The following TRAPPC11 variants were observed in gnomAD, a reference collection of about 807,000 sequenced individuals.
TRAPPC11 encodes the protein foie gras homolog.
TRAPPC11 carries 104 observed loss-of-function variants against 151.2 expected under a neutral mutation model. The ratio of observed to expected loss-of-function variants is 0.69; its 90% CI spans 0.59 to 0.81. TRAPPC11 has a LOEUF of 0.81. Ranked by LOEUF, TRAPPC11 falls within the 30% of genes least tolerant of loss-of-function variation. TRAPPC11 has a pLI of 0.00. For synonymous variants in TRAPPC11, 456 were observed against 472.3 expected, an observed-to-expected ratio of 0.97 and a Z score of 0.45; for missense variants, 1,230 against 1,349.6, an observed-to-expected ratio of 0.91 and a Z score of 1.39.
At chr4:183,686,406 G>C (rs927106066) in intron 17 of TRAPPC11, among the ~76,000 whole-genome samples, 2 of 152,142 alleles carry the variant, frequency 1.3e-5, no homozygotes, top group Admixed American at 1.3e-4. Flanking sequence ...CCAAGTGTTG[G>C]GATTACAGGC....
intron 27 of TRAPPC11, among the ~76,000 whole-genome samples, chr4:183,705,509 G>A (rs1737010985): frequency 6.6e-6 from 1 of 152,096 alleles, no homozygotes; most frequent in Non-Finnish European, 1.5e-5. Context: ...CAGCTAGGCT[G>A]ACTACTACTC....
chr4:183,691,048 G>A (rs1374798879), intron 18 of TRAPPC11, among the ~76,000 whole-genome samples: 1 of 152,198 alleles, frequency 6.6e-6, no homozygotes, highest in Non-Finnish European at 1.5e-5. Context: ...ATAAACAGTA[G>A]TGTCCAGTGC....
At chr4:183,662,171 A>C (rs189429756) in intron 1 of TRAPPC11, among the ~76,000 whole-genome samples, 8 of 152,182 alleles carry the variant, frequency 5.3e-5, no homozygotes, top group Admixed American at 1.3e-4. Flanking sequence ...CATCCTGGCC[A>C]ACATGGTGAA....
At chr4:183,660,145 G>C (rs938966308) in intron 1 of TRAPPC11, among the ~76,000 whole-genome samples, 1 of 152,178 alleles carries the variant, frequency 6.6e-6, no homozygotes, top group African/African-American at 2.4e-5. Context: ...GTGCGTTATC[G>C]GGGTTCTCAT....
intron 25 of TRAPPC11, among the ~76,000 whole-genome samples, chr4:183,698,296 C>T (rs910016950): frequency 6.6e-6 from 1 of 152,144 alleles, no homozygotes; most frequent in Non-Finnish European, 1.5e-5. Flanking sequence ...CAGGACAACA[C>T]CTTTCTGGTT....
At chr4:183,661,399 C>T (rs1301141798) in intron 1 of TRAPPC11, among the ~76,000 whole-genome samples, 1 of 114,460 alleles carries the variant, frequency 8.7e-6, no homozygotes, top group African/African-American at 3.5e-5. Flanking sequence ...GACGGAGTCT[C>T]CTCGCTCTGT....
intron 7 of TRAPPC11, among the ~76,000 whole-genome samples, chr4:183,677,107 ATTTG>A (rs1045033467): frequency 9.1e-4 from 138 of 152,116 alleles, no homozygotes; most frequent in Admixed American, 8.8e-3. Context: ...TAAAATTTCT[ATTTG>A]TTTGAGAGCT....
At chr4:183,674,936 C>A in intron 6 of TRAPPC11, 124 bp downstream of exon 6, 1 of 639,584 alleles carries the variant, frequency 1.6e-6, no homozygotes, top group Non-Finnish European at 2.6e-6. Flanking sequence ...AAGTTTTTTT[C>A]AATGCTTTTA....
intron 11 of TRAPPC11, among the ~76,000 whole-genome samples, chr4:183,683,657 T>C (rs1160335269): frequency 2.6e-5 from 4 of 152,032 alleles, no homozygotes; most frequent in Non-Finnish European, 5.9e-5. Flanking sequence ...TGAGATCCCG[T>C]CTCAAAAAAA....
In TRAPPC11 at chr4:183,666,310, G is replaced by A; in HGVS notation, c.258G>A (p.Met86Ile). ...IPKGILKTGW[M>I]NKHLNLVPAL... ...AAGGGATCTTAAAGACTGGCTGGAT[G>A]AATAAGCATCTGAATCTGGTGCCAG... The change falls in exon 3 of 30, where the codon ATG (methionine) becomes ATA (isoleucine). Residue 86 changes from methionine (M) to isoleucine (I), a missense_variant. Transcript: ENST00000334690. 8 of 1,614,196 alleles carry A rather than the reference G, an allele frequency of 5.0e-6. No homozygotes were observed. Among genetic ancestry groups the A allele is most frequent in the Non-Finnish European group, 6.8e-6 (8 of 1,180,016 alleles).
At chr4:183,675,291 G>A in intron 7 of TRAPPC11, 54 bp downstream of exon 7, 13 of 1,156,428 alleles carry the variant, frequency 1.1e-5, no homozygotes, top group Non-Finnish European at 1.6e-5. Context: ...ACAATAACAT[G>A]TGATGGAAAT....
intron 3 of TRAPPC11, 162 bp from the exon 4 acceptor site, chr4:183,666,898 G>A: frequency 1.9e-6 from 1 of 534,744 alleles, no homozygotes; most frequent in Non-Finnish European, 3.4e-6. Flanking sequence ...AAATCATTGT[G>A]ACATATATGT....
chr4:183,667,875 T>C lies in TRAPPC11; in HGVS notation c.446-128T>C, dbSNP rs190836429. ...GCTCTCAAGGAGCCCAGGAGTCCTG[T>C]TGGTGTGATGAAAAGCTGTTTGGGT... is the stretch of plus-strand genomic sequence containing the variant. On this transcript the variant is annotated intron_variant, in intron 4 of 29. Coordinates refer to ENST00000334690, the MANE Select transcript of TRAPPC11 (RefSeq NM_021942.6). 106 of 705,846 alleles carry C rather than the reference T, an allele frequency of 1.5e-4. No homozygotes were observed. The East Asian group carries it at 2.6e-3, about 18-fold the overall frequency. 43.7% of individuals were successfully genotyped at this position (705,846 alleles called of 1,614,324 possible).
chr4:183,675,321 T>C lies in TRAPPC11; in HGVS notation c.734+84T>C. 3.8e-6 allele frequency: 3 copies of C among 790,704 alleles called. No homozygotes were observed. In the South Asian group the frequency reaches 8.7e-5, roughly 23 times the overall value. The allele number at this position is 790,704 out of a possible 1,614,324, so 49.0% of individuals were successfully genotyped here. ...GGAAATTTCTGAATCTCAGCCAAAG[T>C]ATAATTAAGTTTAAAGTGTTCATAT... On this transcript the variant is annotated intron_variant, in intron 7 of 29. Transcript: ENST00000334690.
chr4:183,677,797 T>C (rs1393701042), intron 8 of TRAPPC11, among the ~76,000 whole-genome samples: 2 of 152,182 alleles, frequency 1.3e-5, no homozygotes, highest in Non-Finnish European at 2.9e-5. Context: ...TGGTTTTTGT[T>C]TTGTTTTTCA....
In TRAPPC11 at chr4:183,713,469, G is replaced by T. The variant is rs1737421397; in HGVS notation, c.*825G>T. On this transcript the variant is annotated 3_prime_UTR_variant, in exon 30 of 30. Coordinates refer to ENST00000334690, the MANE Select transcript of TRAPPC11 (RefSeq NM_021942.6). ...AAATAAAAATCATAGGGTGAAAATTGTATTTGTTAAAATACCTTAATAATT... is the reference window on the plus strand; with the variant it reads ...AAATAAAAATCATAGGGTGAAAATTTTATTTGTTAAAATACCTTAATAATT... 6.6e-6 allele frequency: 1 copy of T among 152,582 alleles called. No individual in the cohort carries two copies. Among genetic ancestry groups the T allele is most frequent in the Admixed American group, 6.6e-5 (1 of 15,260 alleles). 9.5% of individuals were successfully genotyped at this position (152,582 alleles called of 1,614,324 possible). A position where few individuals can be genotyped will look rare whatever the true frequency, so the allele number is the denominator to read the frequency against.
Position 183,663,835 on chromosome 4 carries a change from T to G in TRAPPC11, c.-21-12T>G. 7.0e-7 allele frequency: 1 copy of G among 1,434,222 alleles called. No individual in the cohort carries two copies. The highest frequency in any genetic ancestry group is 9.5e-7 in the Non-Finnish European group (1 of 1,053,548). The allele number at this position is 1,434,222 out of a possible 1,614,324, so 88.8% of individuals were successfully genotyped here. On this transcript the variant is annotated splice_polypyrimidine_tract_variant and intron_variant, in intron 1 of 29. Coordinates refer to ENST00000334690, the MANE Select transcript of TRAPPC11 (RefSeq NM_021942.6). The stretch of plus-strand genomic sequence containing the variant: ...AAAATTAATTATGAATGTATTAACA[T>G]TTGTATTTCAGGTTTTTTGTGACAT...
intron 25 of TRAPPC11, 42 bp downstream of exon 25, chr4:183,697,877 G>GCA (rs1491163096): frequency 2.5e-5 from 24 of 953,534 alleles, no homozygotes; most frequent in Admixed American, 8.1e-5. Context: ...GGAGAATTGT[G>GCA]CGCGCGTGTG....
chr4:183,665,136 C>T (rs1474675918), intron 2 of TRAPPC11, among the ~76,000 whole-genome samples: 6 of 148,986 alleles, frequency 4.0e-5, no homozygotes, highest in Admixed American at 6.7e-5. Flanking sequence ...GCTCTGTCCC[C>T]GAGGCTGGAG....
Sources: gnomAD v4.1 joint callset for allele counts (sites outside exome capture counted in the v4.1 genomes callset) on GRCh38, gnomAD v4.1.1 for gene constraint, MANE v1.5 for transcripts, NCBI Gene and HGNC (gene_info 2026-07-23, HGNC 2026-07-21) for gene names.